KTN1: variants seen among roughly 807,000 people sequenced by gnomAD.
The protein encoded by KTN1 is kinectin 1.
KTN1 carries 130 observed loss-of-function variants against 222.5 expected under a neutral mutation model. The ratio of observed to expected loss-of-function variants is 0.58; its 90% CI spans 0.51 to 0.68. The LOEUF (loss-of-function observed/expected upper bound fraction) is 0.68, where lower values mean the gene tolerates loss of function less well. Among genes scored for constraint, KTN1 ranks in the 30% least tolerant of loss-of-function variants. The pLI is 0.00. For synonymous variants in KTN1, 512 were observed against 496.3 expected (o/e 1.03, Z -0.42); for missense variants, 1,508 against 1,500.4 (o/e 1.01, Z -0.08).
At chr14:55,619,703 TG>T (rs780100993) in intron 5 of KTN1, among the ~76,000 whole-genome samples, 5 of 152,068 alleles carry the variant, frequency 3.3e-5, no homozygotes, top group African/African-American at 4.8e-5. Context: ...AAGAATAATA[TG>T]GGGGAAATTG....
intron 5 of KTN1, among the ~76,000 whole-genome samples, chr14:55,625,884 G>T (rs1028268355): frequency 5.9e-5 from 9 of 151,998 alleles, no homozygotes; most frequent in African/African-American, 1.9e-4. Context: ...TTGTTAAACT[G>T]CACTCTCACA....
chr14:55,604,397 T>A (rs2036434610), intron 1 of KTN1, among the ~76,000 whole-genome samples: 1 of 152,168 alleles, frequency 6.6e-6, no homozygotes, highest in Admixed American at 6.5e-5. Flanking sequence ...AGATAATCTC[T>A]GATCATTCTA....
intron 1 of KTN1, among the ~76,000 whole-genome samples, chr14:55,594,131 A>G (rs2034627630): frequency 6.6e-6 from 1 of 152,138 alleles, no homozygotes; most frequent in African/African-American, 2.4e-5. Context: ...GTAATATTTC[A>G]CACTATTACT....
intron 1 of KTN1, 33 bp from the exon 2 acceptor site, chr14:55,611,981 CTTTTT>C (rs1555363594): frequency 5.2e-6 from 4 of 768,912 alleles, no homozygotes; most frequent in East Asian, 6.6e-5. Flanking sequence ...CTGACAGGTT[CTTTTT>C]TTTTTTTTGT....
At chr14:55,679,836 G>A in intron 43 of KTN1, 151 bp downstream of exon 43, 1 of 795,926 alleles carries the variant, frequency 1.3e-6, no homozygotes, top group Non-Finnish European at 2.0e-6. Flanking sequence ...CTTTCTTGGA[G>A]CTTTAGTTCT....
At chr14:55,680,466 ACTGAATACTT>A in intron 43 of KTN1, 2 of 359,692 alleles carry the variant, frequency 5.6e-6, no homozygotes, top group South Asian at 4.4e-5. Flanking sequence ...TCAGATATGC[ACTGAATACTT>A]CAGATATTCT....
At chr14:55,650,209 T>C in intron 22 of KTN1, 119 bp from the exon 23 acceptor site, 2 of 712,750 alleles carry the variant, frequency 2.8e-6, no homozygotes, top group East Asian at 5.2e-5. Flanking sequence ...CATGTTGCTA[T>C]TTTATTTAAA....
At chr14:55,615,945 G>T (rs34709110) in intron 2 of KTN1, among the ~76,000 whole-genome samples, 32,975 of 149,402 alleles carry the variant, frequency 0.22, 4,055 homozygotes, top group East Asian at 0.32. Flanking sequence ...ACAGGGTCTT[G>T]CTCTGTTGCT....
chr14:55,616,404 T>G, intron 2 of KTN1, 113 bp from the exon 3 acceptor site: 1 of 926,710 alleles, frequency 1.1e-6, no homozygotes. Context: ...GCGTTATATG[T>G]CAGACTTTAA....
chr14:55,622,935 A>G (rs754499868), intron 5 of KTN1, among the ~76,000 whole-genome samples: 1 of 151,938 alleles, frequency 6.6e-6, no homozygotes, highest in Non-Finnish European at 1.5e-5. Context: ...TCCCTCACCA[A>G]ATTTCACCCA....
In KTN1 at chr14:55,648,017, A is replaced by G; in HGVS notation, c.2208-8A>G. On this transcript the variant is annotated splice_region_variant and splice_polypyrimidine_tract_variant and intron_variant, in intron 19 of 43. Transcript: ENST00000395314. Reference sequence around the variant, plus strand: ...GTTAATACATGTGTTACAAATTTATAATTTCAGCATTCAAGAAAAAGATGA... The same window carrying G: ...GTTAATACATGTGTTACAAATTTATGATTTCAGCATTCAAGAAAAAGATGA... The G allele has an allele frequency of 7.7e-7, 1 of 1,303,492 alleles. No homozygotes were observed. The highest frequency in any genetic ancestry group is 1.5e-5 in the South Asian group (1 of 64,698). 80.7% of individuals were successfully genotyped at this position (1,303,492 alleles called of 1,614,324 possible).
Position 55,633,505 on chromosome 14 carries a change from ACTT to A in KTN1, c.1328+169_1328+171del, listed in dbSNP as rs201088026. Among the ~76,000 whole-genome samples, 323 of 151,960 alleles carry A rather than the reference ACTT, an allele frequency of 2.1e-3. 3 individuals carry two copies. Among genetic ancestry groups the A allele is most frequent in the African/African-American group, 7.3e-3 (302 of 41,440 alleles). Reference sequence around the variant, plus strand: ...ACAATTCTCTTTTGCTTTGTGAAGAACTTCTTCAGTTATACATATGTAAACTAT... The same window carrying A: ...ACAATTCTCTTTTGCTTTGTGAAGAACTTCAGTTATACATATGTAAACTAT... On this transcript the variant is annotated intron_variant, in intron 8 of 43. Transcript: ENST00000395314.
At chr14:55,586,836 C>T (rs1048242074) in intron 1 of KTN1, among the ~76,000 whole-genome samples, 2 of 152,090 alleles carry the variant, frequency 1.3e-5, no homozygotes, top group South Asian at 2.1e-4. Flanking sequence ...GATAGAATGT[C>T]GTCCTTTTGT....
intron 41 of KTN1, among the ~76,000 whole-genome samples, chr14:55,676,657 C>A (rs1409023163): frequency 6.6e-6 from 1 of 152,206 alleles, no homozygotes; most frequent in Admixed American, 6.5e-5. Context: ...TTTCCCTATA[C>A]CCTCACCAAT....
At chr14:55,682,498 A>C (rs1050008859) in intron 43 of KTN1, 9 of 152,146 alleles carry the variant, frequency 5.9e-5, no homozygotes, top group African/African-American at 2.2e-4. Flanking sequence ...AGGTTACCTT[A>C]TCTTGGAACC....
Position 55,670,727 on chromosome 14 carries a change from A to G in KTN1, c.3268-2A>G, listed in dbSNP as rs774041522. On this transcript the variant is annotated splice_acceptor_variant, in intron 34 of 43. Transcript: ENST00000395314. LOFTEE classifies it high-confidence loss of function. ...AATGATTTTAACTTTTCTCGTCCAC[A>G]GAGTTATGGTGAATGGTTGCATGGA... The G allele has an allele frequency of 6.3e-7, 1 of 1,580,492 alleles. No homozygotes were observed. Among genetic ancestry groups the G allele is most frequent in the Non-Finnish European group, 8.6e-7 (1 of 1,161,768 alleles).
intron 28 of KTN1, 79 bp downstream of exon 28, chr14:55,653,675 G>A: frequency 9.6e-7 from 1 of 1,038,028 alleles, no homozygotes; most frequent in Non-Finnish European, 1.5e-6. Context: ...ATATAATGAT[G>A]AGTTTCCTGT....
Position 55,655,868 on chromosome 14 carries a change from A to C in KTN1, c.2802-174A>C, listed in dbSNP as rs569041055. ...GCTTAAGAAATGTTAAGTATGACTGAGTAGAATGATCCTAGAAATATCTTT... is the reference window on the plus strand; with the variant it reads ...GCTTAAGAAATGTTAAGTATGACTGCGTAGAATGATCCTAGAAATATCTTT... On this transcript the variant is annotated intron_variant, in intron 28 of 43. Transcript: ENST00000395314. Among the ~76,000 whole-genome samples, 14 of 152,354 alleles carry C rather than the reference A, an allele frequency of 9.2e-5. No individual in the cohort carries two copies. The South Asian group carries it at 2.7e-3, about 29-fold the overall frequency.
At chr14:55,608,501 GAATTT>G (rs886220658) in intron 1 of KTN1, among the ~76,000 whole-genome samples, 1 of 152,110 alleles carries the variant, frequency 6.6e-6, no homozygotes, top group Admixed American at 6.5e-5. Flanking sequence ...GCATTGAATT[GAATTT>G]AACAAAGTTT....
Sources: gnomAD v4.1 joint callset for allele counts (sites outside exome capture counted in the v4.1 genomes callset) on GRCh38, gnomAD v4.1.1 for gene constraint, MANE v1.5 for transcripts, NCBI Gene and HGNC (gene_info 2026-07-23, HGNC 2026-07-21) for gene names.